The following ZFHX3 variants were observed in gnomAD, a reference collection of about 807,000 sequenced individuals.
The protein encoded by ZFHX3 is zinc finger homeobox protein 3.
Under a neutral mutation model 279.1 loss-of-function variants are expected in ZFHX3, and 42 were observed. The observed-to-expected ratio is 0.15, with a 90% CI of 0.12 to 0.19. The LOEUF (loss-of-function observed/expected upper bound fraction) is 0.19, where lower values mean the gene tolerates loss of function less well. ZFHX3 is among the 10% of genes least tolerant of loss of function. The pLI is 1.00. For missense variants in ZFHX3, 4,981 were observed against 4,754.0 expected (o/e 1.05, Z -1.40); for synonymous variants, 2,293 against 1,957.8 (o/e 1.17, Z -4.52).
rs1484713734 is a variant in ZFHX3 at position 73,595,981 on chromosome 16, TA to T, written c.-1547+84198del. Among the ~76,000 whole-genome samples, 18 of 2,918 alleles carry T rather than the reference TA, an allele frequency of 6.2e-3. No individual in the cohort carries two copies. In the Admixed American group the frequency reaches 0.064, roughly 10 times the overall value. The allele number at this position is 2,918 out of a possible 152,430, so 1.9% of individuals were successfully genotyped here. On this transcript the variant is annotated intron_variant, in intron 2 of 17. Transcript: ENST00000641206. Reference sequence around the variant, plus strand: ...TTCTCTCTCCCGACCATTACTTTTTTATTTTATTTTATTTTATTTTATTTTA... The same window carrying T: ...TTCTCTCTCCCGACCATTACTTTTTTTTTTATTTTATTTTATTTTATTTTA...
chr16:73,135,187 C>A lies in ZFHX3; in HGVS notation c.-1023-4093G>T, dbSNP rs541129965. 3.3e-5 allele frequency among the ~76,000 whole-genome samples: 5 copies of A among 152,292 alleles called. No homozygotes were observed. The South Asian group carries it at 1.0e-3, about 32-fold the overall frequency. ...CTGTATTATAGCTTATCCAAGAAAT[C>A]TTGCAATAGAGCTTTCTGCCCTCTG... On this transcript the variant is annotated intron_variant, in intron 6 of 17. Coordinates refer to the ZFHX3 transcript ENST00000641206.
intron 2 of ZFHX3, among the ~76,000 whole-genome samples, chr16:73,567,479 G>C (rs536444306): frequency 6.6e-6 from 1 of 152,200 alleles, no homozygotes; most frequent in Non-Finnish European, 1.5e-5. Context: ...TCCTGCCAGT[G>C]CTTTCTCTAC....
chr16:73,697,829 A>T, intron 1 of ZFHX3, among the ~76,000 whole-genome samples: 1 of 152,186 alleles, frequency 6.6e-6, no homozygotes, highest in Non-Finnish European at 1.5e-5. Flanking sequence ...GGTTGTATGC[A>T]TGGGCTGGAA....
chr16:73,394,515 T>C (rs1441409438), intron 3 of ZFHX3, among the ~76,000 whole-genome samples: 1 of 152,106 alleles, frequency 6.6e-6, no homozygotes, highest in Non-Finnish European at 1.5e-5. Flanking sequence ...CAGGCTGCAT[T>C]TGAACTCTTA....
chr16:72,868,686 C>T (rs1056140555), intron 4 of ZFHX3, among the ~76,000 whole-genome samples: 7 of 152,210 alleles, frequency 4.6e-5, no homozygotes, highest in Non-Finnish European at 7.3e-5. Flanking sequence ...GGGTCCACAT[C>T]GACAGGCTTC....
At chr16:73,417,110 C>T (rs1187096184) in intron 3 of ZFHX3, among the ~76,000 whole-genome samples, 1 of 152,050 alleles carries the variant, frequency 6.6e-6, no homozygotes, top group Non-Finnish European at 1.5e-5. Flanking sequence ...CTGCCCAAAA[C>T]ATACGCATGT....
At chr16:72,906,593 T>TC (rs1597366841) in intron 3 of ZFHX3, among the ~76,000 whole-genome samples, 1 of 152,136 alleles carries the variant, frequency 6.6e-6, no homozygotes, top group East Asian at 1.9e-4. Flanking sequence ...GGTCAGGAGT[T>TC]CGAGACCAGC....
At chr16:73,399,315 A>C (rs2017197751) in intron 3 of ZFHX3, among the ~76,000 whole-genome samples, 1 of 152,178 alleles carries the variant, frequency 6.6e-6, no homozygotes, top group South Asian at 2.1e-4. Context: ...CGATATGGGA[A>C]CTTGGGGAGT....
chr16:73,093,112 G>T (rs777532633), intron 8 of ZFHX3: 9 of 519,854 alleles, frequency 1.7e-5, no homozygotes, highest in Non-Finnish European at 3.8e-6. Flanking sequence ...ATGGATCAAA[G>T]AACTCTGAAA....
chr16:73,178,945 A>G (rs1195856813), intron 5 of ZFHX3, among the ~76,000 whole-genome samples: 2 of 152,198 alleles, frequency 1.3e-5, no homozygotes, highest in African/African-American at 2.4e-5. Flanking sequence ...TTTAGTCACT[A>G]CAGGGGATAC....
chr16:73,228,536 G>A (rs986980949), intron 5 of ZFHX3, among the ~76,000 whole-genome samples: 1 of 152,148 alleles, frequency 6.6e-6, no homozygotes, highest in Non-Finnish European at 1.5e-5. Context: ...AGTGACATGT[G>A]CCTGTATTCC....
At chr16:73,440,257 C>G (rs2018066830) in intron 3 of ZFHX3, among the ~76,000 whole-genome samples, 1 of 152,166 alleles carries the variant, frequency 6.6e-6, no homozygotes, top group Non-Finnish European at 1.5e-5. Flanking sequence ...TCTCAACAAT[C>G]AATACCGTGT....
At chr16:72,876,833 T>C (rs2038327874) in intron 4 of ZFHX3, among the ~76,000 whole-genome samples, 2 of 152,070 alleles carry the variant, frequency 1.3e-5, no homozygotes, top group Admixed American at 1.3e-4. Context: ...CAGCCAGGTG[T>C]GGTTGAAACA....
intron 2 of ZFHX3, among the ~76,000 whole-genome samples, chr16:73,507,102 T>A (rs2019340482): frequency 6.6e-6 from 1 of 152,186 alleles, no homozygotes; most frequent in Non-Finnish European, 1.5e-5. Context: ...CCCAGTCCAG[T>A]TTTAGCAAGG....
At chr16:73,456,747 C>T (rs1030921518) in intron 2 of ZFHX3, among the ~76,000 whole-genome samples, 5 of 152,190 alleles carry the variant, frequency 3.3e-5, no homozygotes, top group African/African-American at 9.7e-5. Context: ...CCAGATGCAC[C>T]TTCTATCGGG....
intron 2 of ZFHX3, among the ~76,000 whole-genome samples, chr16:73,466,294 C>A (rs1052682131): frequency 2.0e-5 from 3 of 152,104 alleles, no homozygotes; most frequent in African/African-American, 7.2e-5. Flanking sequence ...CCAGCCTGGG[C>A]AACATGGGAA....
At chr16:72,961,776 A>G (rs1257787038) in intron 1 of ZFHX3, among the ~76,000 whole-genome samples, 4 of 152,230 alleles carry the variant, frequency 2.6e-5, no homozygotes, top group Admixed American at 2.0e-4. Context: ...TAATACACAC[A>G]TGCAAACACA....
chr16:73,453,876 C>G (rs1308444094), intron 3 of ZFHX3, among the ~76,000 whole-genome samples: 1 of 152,152 alleles, frequency 6.6e-6, no homozygotes, highest in Non-Finnish European at 1.5e-5. Context: ...ATCACCAGAA[C>G]AGCACAGAAA....
chr16:72,908,757 C>T (rs1394550476), intron 3 of ZFHX3, among the ~76,000 whole-genome samples: 5 of 152,126 alleles, frequency 3.3e-5, no homozygotes, highest in South Asian at 4.1e-4. Flanking sequence ...ATCAGCACGG[C>T]GATACGAGAA....
Sources: allele counts gnomAD v4.1 joint callset (sites outside exome capture counted in the v4.1 genomes callset), GRCh38; gene constraint gnomAD v4.1.1; transcripts MANE v1.5; gene names NCBI Gene and HGNC (gene_info 2026-07-23, HGNC 2026-07-21).